Variants in CCNT2 observed in about 807,000 individuals in gnomAD.
CCNT2 encodes the protein cyclin-T2.
In CCNT2, 18 loss-of-function variants were observed where a neutral mutation model predicts 70.0. The observed-to-expected ratio is 0.26, with a 90% confidence interval of 0.18 to 0.38. The LOEUF (loss-of-function observed/expected upper bound fraction) is 0.38, where lower values mean the gene tolerates loss of function less well. CCNT2 is among the 10% of genes least tolerant of loss of function. CCNT2 has a pLI of 1.00. For missense variants in CCNT2, 734 were observed against 890.2 expected (o/e 0.82, Z 2.23); for synonymous variants, 334 against 313.3 (o/e 1.07, Z -0.70).
At chr2:134,945,712 G>T (rs1681907654) in intron 5 of CCNT2, 4 of 1,275,366 alleles carry the variant, frequency 3.1e-6, no homozygotes, top group South Asian at 1.3e-5. Flanking sequence ...GATTAAGTCT[G>T]GCAGGCAACT....
chr2:134,923,947 G>A (rs565833736), intron 2 of CCNT2, among the ~76,000 whole-genome samples: 9 of 152,224 alleles, frequency 5.9e-5, no homozygotes, highest in South Asian at 2.1e-4. Context: ...TTATTTGCCC[G>A]CCTCATTGCA....
At chr2:134,936,541 C>T (rs1189990667) in intron 2 of CCNT2, among the ~76,000 whole-genome samples, 1 of 151,944 alleles carries the variant, frequency 6.6e-6, no homozygotes, top group Non-Finnish European at 1.5e-5. Flanking sequence ...ATCACCTGAG[C>T]TCAAGAGTTC....
chr2:134,951,567 G>T (rs1006683318), intron 7 of CCNT2, among the ~76,000 whole-genome samples: 4 of 152,120 alleles, frequency 2.6e-5, no homozygotes, highest in African/African-American at 9.7e-5. Flanking sequence ...AAGTCTGGGT[G>T]TGGTGGCTCA....
intron 2 of CCNT2, among the ~76,000 whole-genome samples, chr2:134,929,609 AAAAC>A (rs1680574272): frequency 1.8e-5 from 1 of 54,594 alleles, no homozygotes; most frequent in Non-Finnish European, 3.0e-5. Context: ...CCCTGTCTCA[AAAAC>A]AGAGAGAGAG....
intron 7 of CCNT2, among the ~76,000 whole-genome samples, chr2:134,949,645 G>A (rs183044064): frequency 1.3e-5 from 2 of 152,264 alleles, no homozygotes; most frequent in East Asian, 3.9e-4. Context: ...CTTTTTCAGA[G>A]TTTATCCAGA....
At position 134,942,465 on chromosome 2, in the gene CCNT2, T is replaced by C. The variant is rs1479547498; in HGVS notation, c.431-147T>C. On this transcript the variant is annotated intron_variant, in intron 4 of 8. Transcript: ENST00000264157. ...GTATTTGAAAAATTATATCTTGTCA[T>C]TGGAAAAGTAATGAGAATGTCAGTG... 4.9e-5 allele frequency: 21 copies of C among 427,672 alleles called. No homozygotes were observed. The South Asian group carries it at 1.2e-3, about 23-fold the overall frequency. 26.5% of individuals were successfully genotyped at this position (427,672 alleles called of 1,614,324 possible).
At position 134,955,423 on chromosome 2, in the gene CCNT2, C is replaced by T. The variant is rs1016033777; in HGVS notation, c.*775C>T. On this transcript the variant is annotated 3_prime_UTR_variant, in exon 9 of 9. Transcript: ENST00000264157. ...GATTGGCTGCTGAAATAGCCCCTAA[C>T]TTTCTGAAGGCTTGAAGAGGAAAAA... 2.0e-5 allele frequency: 3 copies of T among 152,638 alleles called. No homozygotes were observed. The highest frequency in any genetic ancestry group is 7.2e-5 in the African/African-American group (3 of 41,452). 9.5% of individuals were successfully genotyped at this position (152,638 alleles called of 1,614,324 possible). A position where few individuals can be genotyped will look rare whatever the true frequency, so the allele number is the denominator to read the frequency against.
chr2:134,946,393 C>A, intron 6 of CCNT2: 1 of 1,247,522 alleles, frequency 8.0e-7, no homozygotes, highest in Non-Finnish European at 1.0e-6. Flanking sequence ...GTGCATAAGT[C>A]TAAAATTGGT....
intron 5 of CCNT2, chr2:134,945,314 T>A: frequency 1.0e-6 from 1 of 985,218 alleles, no homozygotes; most frequent in South Asian, 4.7e-5. Flanking sequence ...TCAGTGCTTG[T>A]GGATGTAATT....
At position 134,953,874 on chromosome 2, in the gene CCNT2, C is replaced by T. The variant is rs1682723114; in HGVS notation, c.1419C>T (p.Ala473=). The T allele has an allele frequency of 1.9e-6, 3 of 1,614,056 alleles. No homozygotes were observed. Among genetic ancestry groups the T allele is most frequent in the Non-Finnish European group, 2.5e-6 (3 of 1,180,014 alleles). ...QQHKQGQSQA[A]SSSSVTSPIK... ...ACAAACAAGGGCAGTCACAGGCAGC[C>T]AGCAGCAGTTCTGTTACTTCTCCCA... Residue 473 remains alanine (A), a synonymous_variant, in exon 9 of 9, where the codon GCC becomes GCT. Coordinates refer to ENST00000264157, the MANE Select transcript of CCNT2 (RefSeq NM_058241.3).
At chr2:134,952,266 G>A (rs570896034) in intron 7 of CCNT2, among the ~76,000 whole-genome samples, 2 of 152,018 alleles carry the variant, frequency 1.3e-5, no homozygotes, top group East Asian at 1.9e-4. Context: ...TACAAATAAC[G>A]TTTTTCCTCA....
chr2:134,943,869 G>GT, intron 5 of CCNT2: 4 of 981,926 alleles, frequency 4.1e-6, no homozygotes, highest in African/African-American at 1.7e-5. Flanking sequence ...TTACTACCAA[G>GT]TTTTTTTAGA....
At position 134,928,439 on chromosome 2, in the gene CCNT2, C is replaced by T. The variant is rs538578218; in HGVS notation, c.241-8402C>T. Among the ~76,000 whole-genome samples the T allele has an allele frequency of 2.3e-4, 35 of 151,950 alleles. 1 individual carries two copies. Among genetic ancestry groups the T allele is most frequent in the African/African-American group, 8.0e-4 (33 of 41,470 alleles). ...GATTACAGGCATGCACCAACACTCC[C>T]GGCTAATTTTGTATTTTTAGTAGAG... is the stretch of plus-strand genomic sequence containing the variant. On this transcript the variant is annotated intron_variant, in intron 2 of 8. Coordinates refer to ENST00000264157, the MANE Select transcript of CCNT2 (RefSeq NM_058241.3).
intron 7 of CCNT2, 137 bp from the exon 8 acceptor site, chr2:134,952,504 G>A (rs866242940): frequency 1.4e-5 from 7 of 516,776 alleles, no homozygotes; most frequent in South Asian, 1.2e-4. Flanking sequence ...GTGTACTTCT[G>A]TGTATGCTGA....
intron 3 of CCNT2, among the ~76,000 whole-genome samples, chr2:134,937,258 G>T (rs558491382): frequency 6.6e-6 from 1 of 152,274 alleles, no homozygotes; most frequent in African/African-American, 2.4e-5. Context: ...TATATGTAGA[G>T]GGTAAGTCCT....
intron 5 of CCNT2, chr2:134,944,832 G>A (rs1681834467): frequency 2.0e-6 from 2 of 984,700 alleles, no homozygotes; most frequent in African/African-American, 1.7e-5. Flanking sequence ...GACTGTTTCT[G>A]GATCACTGAA....
intron 2 of CCNT2, among the ~76,000 whole-genome samples, chr2:134,924,511 G>T (rs1033873467): frequency 6.6e-6 from 1 of 152,094 alleles, no homozygotes; most frequent in African/African-American, 2.4e-5. Flanking sequence ...GTGCAGTGGT[G>T]CAATCTCGGC....
chr2:134,943,902 C>T (rs1249158672), intron 5 of CCNT2: 6 of 968,230 alleles, frequency 6.2e-6, no homozygotes, highest in African/African-American at 5.3e-5. Flanking sequence ...AAAATGAGTA[C>T]GACTTTTGAA....
chr2:134,932,929 T>C (rs1331409296), intron 2 of CCNT2, among the ~76,000 whole-genome samples: 1 of 152,232 alleles, frequency 6.6e-6, no homozygotes, highest in Non-Finnish European at 1.5e-5. Flanking sequence ...AGCAAGAAAG[T>C]TCCAATTTCT....
Sources: gnomAD v4.1 joint callset for allele counts (sites outside exome capture counted in the v4.1 genomes callset) on GRCh38, gnomAD v4.1.1 for gene constraint, MANE v1.5 for transcripts, NCBI Gene and HGNC (gene_info 2026-07-23, HGNC 2026-07-21) for gene names.